SLC14A2: variants seen among roughly 807,000 people sequenced by gnomAD.
The protein encoded by SLC14A2 is urea transporter 2.
In SLC14A2, 91 loss-of-function variants were observed where a neutral mutation model predicts 104.6. That is an observed-to-expected ratio of 0.87 (90% CI 0.73 to 1.04). The LOEUF (loss-of-function observed/expected upper bound fraction) is 1.04, where lower values mean the gene tolerates loss of function less well. Among genes scored for constraint, SLC14A2 ranks in the 50% least tolerant of loss-of-function variants. The pLI is 0.00. For missense variants in SLC14A2, 1,189 were observed against 1,156.0 expected (o/e 1.03, Z -0.41); for synonymous variants, 476 against 466.4 (o/e 1.02, Z -0.27).
chr18:45,320,935 C>T (rs1399047653), intron 1 of SLC14A2, among the ~76,000 whole-genome samples: 1 of 152,196 alleles, frequency 6.6e-6, no homozygotes, highest in Non-Finnish European at 1.5e-5. Context: ...CATCAGTGCT[C>T]ATGGGCTTGA....
chr18:45,187,659 C>T, the SLC14A2 span, among the ~76,000 whole-genome samples: 8 of 152,024 alleles, frequency 5.3e-5, no homozygotes, highest in African/African-American at 1.5e-4. Context: ...CCACCTTATG[C>T]CCGTCCAGAA....
At position 45,367,341 on chromosome 18, in the gene SLC14A2, G is replaced by A. The variant is rs193206224; in HGVS notation, c.-124-115892G>A. On this transcript the variant is annotated intron_variant, in intron 1 of 20. Coordinates refer to the SLC14A2 transcript ENST00000586448. ...ACTGGGTTTCCTATAGGTTATGGAA[G>A]AATGAGCGTCCTTGCCTCCTTATAT... Among the ~76,000 whole-genome samples the A allele has an allele frequency of 3.0e-3, 459 of 152,284 alleles. 2 individuals carry two copies. The highest frequency in any genetic ancestry group is 0.01 in the Middle Eastern group (3 of 294).
At chr18:45,542,035 G>GTTTTTTTTTTGTTTTTTTTT (rs2043891896) in intron 2 of SLC14A2, among the ~76,000 whole-genome samples, 1 of 54,236 alleles carries the variant, frequency 1.8e-5, no homozygotes, top group African/African-American at 6.2e-5. Flanking sequence ...AAGAGAGAGG[G>GTTTTTTTTTTGTTTTTTTTT]TTTTTTTTTT....
chr18:45,492,427 T>C (rs1460899603), intron 2 of SLC14A2, among the ~76,000 whole-genome samples: 1 of 152,190 alleles, frequency 6.6e-6, no homozygotes. Flanking sequence ...ATGCTGTACA[T>C]GGCAGCAAGT....
Position 45,293,516 on chromosome 18 carries a change from C to G in SLC14A2, c.-125+80325C>G, listed in dbSNP as rs77946344. ...TTATTAGAGGTGTCAGGCAAGGTCC[C>G]CCCGAGAAGTGCCATTTAAGCTGAG... On this transcript the variant is annotated intron_variant, in intron 1 of 20. Coordinates refer to the SLC14A2 transcript ENST00000586448. Among the ~76,000 whole-genome samples the G allele has an allele frequency of 3.2e-3, 491 of 151,862 alleles. 4 individuals are homozygous for G. Among genetic ancestry groups the G allele is most frequent in the African/African-American group, 0.011 (451 of 41,366 alleles).
At chr18:45,520,208 T>C (rs192489605) in intron 2 of SLC14A2, among the ~76,000 whole-genome samples, 38 of 152,354 alleles carry the variant, frequency 2.5e-4, no homozygotes, top group African/African-American at 8.4e-4. Flanking sequence ...CCTGCTTCAG[T>C]GCAGAGAATC....
At chr18:45,563,704 C>G (rs888701946) in intron 2 of SLC14A2, among the ~76,000 whole-genome samples, 5 of 152,176 alleles carry the variant, frequency 3.3e-5, no homozygotes, top group African/African-American at 1.2e-4. Flanking sequence ...TTGATCATCT[C>G]TTTAAATGAC....
At chr18:45,523,342 T>A (rs901557321) in intron 2 of SLC14A2, among the ~76,000 whole-genome samples, 2 of 151,940 alleles carry the variant, frequency 1.3e-5, no homozygotes, top group African/African-American at 4.8e-5. Flanking sequence ...TTTGTTTGTT[T>A]GTTTTGAGAT....
chr18:45,567,523 A>G (rs2044283652), intron 2 of SLC14A2, among the ~76,000 whole-genome samples: 1 of 152,226 alleles, frequency 6.6e-6, no homozygotes, highest in Non-Finnish European at 1.5e-5. Flanking sequence ...AAAACTGGGA[A>G]AGAGTCAGAG....
intron 2 of SLC14A2, among the ~76,000 whole-genome samples, chr18:45,501,458 GC>G (rs2043197872): frequency 6.6e-6 from 1 of 152,188 alleles, no homozygotes; most frequent in Non-Finnish European, 1.5e-5. Context: ...TGTGTAAGTT[GC>G]TATGTAGTTC....
the SLC14A2 span, among the ~76,000 whole-genome samples, chr18:45,185,091 C>G: frequency 6.6e-6 from 1 of 152,186 alleles, no homozygotes; most frequent in African/African-American, 2.4e-5. Context: ...AGTTCCCTAG[C>G]TGGCCTCTGC....
chr18:45,394,615 T>C (rs984428906), intron 1 of SLC14A2, among the ~76,000 whole-genome samples: 2 of 152,206 alleles, frequency 1.3e-5, no homozygotes, highest in Admixed American at 6.5e-5. Flanking sequence ...ATATGGAGTA[T>C]ATTTTCATAT....
chr18:45,297,615 TA>T (rs2084929405), intron 1 of SLC14A2, among the ~76,000 whole-genome samples: 1 of 152,016 alleles, frequency 6.6e-6, no homozygotes, highest in African/African-American at 2.4e-5. Flanking sequence ...AAAATAGAAG[TA>T]AATATATCCA....
chr18:45,342,714 A>T (rs568543894), intron 1 of SLC14A2, among the ~76,000 whole-genome samples: 9 of 152,340 alleles, frequency 5.9e-5, no homozygotes, highest in African/African-American at 2.2e-4. Flanking sequence ...AGACATACTT[A>T]GGAGGTAAAT....
intron 1 of SLC14A2, among the ~76,000 whole-genome samples, chr18:45,322,391 T>TA (rs1599673684): frequency 1.3e-5 from 2 of 152,178 alleles, no homozygotes; most frequent in Non-Finnish European, 2.9e-5. Flanking sequence ...ATTGAAGGCT[T>TA]AAAAAAACAT....
intron 1 of SLC14A2, among the ~76,000 whole-genome samples, chr18:45,359,720 G>A (rs1459191996): frequency 6.6e-6 from 1 of 152,330 alleles, no homozygotes; most frequent in South Asian, 2.1e-4. Flanking sequence ...GCAGCCTGGA[G>A]AGCACAAATT....
intron 1 of SLC14A2, among the ~76,000 whole-genome samples, chr18:45,293,742 C>G (rs534341131): frequency 6.4e-4 from 97 of 152,208 alleles, no homozygotes; most frequent in African/African-American, 2.2e-3. Context: ...ATTGTGCAGC[C>G]AAATATATTT....
chr18:45,542,953 C>T (rs762258672), intron 2 of SLC14A2, among the ~76,000 whole-genome samples: 18 of 151,732 alleles, frequency 1.2e-4, no homozygotes, highest in Non-Finnish European at 2.4e-4. Flanking sequence ...ATTTAATATG[C>T]GTCTCTTTTT....
At chr18:45,386,265 G>C (rs2085895439) in intron 1 of SLC14A2, among the ~76,000 whole-genome samples, 1 of 152,176 alleles carries the variant, frequency 6.6e-6, no homozygotes, top group African/African-American at 2.4e-5. Context: ...AACCCAAACT[G>C]AAGGGTCAAA....
Sources: gnomAD v4.1 joint callset for allele counts (sites outside exome capture counted in the v4.1 genomes callset) on GRCh38, gnomAD v4.1.1 for gene constraint, MANE v1.5 for transcripts, NCBI Gene and HGNC (gene_info 2026-07-23, HGNC 2026-07-21) for gene names.